Variants in AGAP1 observed in about 807,000 individuals in gnomAD.
The protein encoded by AGAP1 is arf-GAP with GTPase, ANK repeat and PH domain-containing protein 1.
AGAP1 carries 29 observed loss-of-function variants against 105.3 expected under a neutral mutation model. The ratio of observed to expected loss-of-function variants is 0.28; its 90% CI spans 0.21 to 0.38. AGAP1 has a LOEUF of 0.38. Among genes scored for constraint, AGAP1 ranks in the 10% least tolerant of loss-of-function variants. The pLI is 1.00. For synonymous variants in AGAP1, 509 were observed against 485.9 expected (o/e 1.05, Z -0.63); for missense variants, 998 against 1,165.1 (o/e 0.86, Z 2.09).
chr2:235,911,714 T>C (rs931675277), intron 11 of AGAP1, among the ~76,000 whole-genome samples: 8 of 152,244 alleles, frequency 5.3e-5, no homozygotes, highest in African/African-American at 1.9e-4. Context: ...AGTTTCATTC[T>C]CTTTAAGAGC....
Position 235,716,675 on chromosome 2 carries a change from A to G in AGAP1, c.223-882A>G, listed in dbSNP as rs997247851. Among the ~76,000 whole-genome samples the G allele has an allele frequency of 3.9e-5, 6 of 152,058 alleles. No individual in the cohort carries two copies. The highest frequency in any genetic ancestry group is 3.3e-4 in the Admixed American group (5 of 15,270). ...AAGGTTAAAATGCAGGAGATTTTTG[A>G]TGAGCAGCTTCCCAGAGAAGGCGGC... On this transcript the variant is annotated intron_variant, in intron 2 of 17. Coordinates refer to ENST00000304032, the MANE Select transcript of AGAP1 (RefSeq NM_001037131.3). This position sits in a 1 kb window ranked among gnomAD's most constrained non-coding sequence, Gnocchi z 4.0.
At chr2:235,818,859 C>T (rs1958614873) in intron 9 of AGAP1, among the ~76,000 whole-genome samples, 1 of 152,230 alleles carries the variant, frequency 6.6e-6, no homozygotes. Context: ...CAGGCGTGAG[C>T]CACCATGCCC....
chr2:235,684,662 A>G (rs145235888), intron 1 of AGAP1, among the ~76,000 whole-genome samples: 2 of 152,244 alleles, frequency 1.3e-5, no homozygotes, highest in Non-Finnish European at 2.9e-5. Context: ...TTTCTGAACT[A>G]TAGATGGGAA....
intron 11 of AGAP1, among the ~76,000 whole-genome samples, chr2:235,913,626 T>G (rs1306145698): frequency 1.3e-5 from 2 of 152,186 alleles, no homozygotes; most frequent in Non-Finnish European, 2.9e-5. Context: ...TATCTGGTAG[T>G]ATAACACAGT....
intron 6 of AGAP1, among the ~76,000 whole-genome samples, chr2:235,796,464 G>A (rs147257697): frequency 2.0e-5 from 3 of 152,230 alleles, no homozygotes; most frequent in East Asian, 3.9e-4. Flanking sequence ...ATACACTACC[G>A]GAAGATAAAT....
chr2:235,931,033 A>T lies in AGAP1; in HGVS notation c.1483+110A>T. 1.6e-6 allele frequency: 2 copies of T among 1,275,158 alleles called. No individual in the cohort carries two copies. The highest frequency in any genetic ancestry group is 2.1e-6 in the Non-Finnish European group (2 of 945,988). 79.0% of individuals were successfully genotyped at this position (1,275,158 alleles called of 1,614,324 possible). The stretch of plus-strand genomic sequence containing the variant: ...TCTCATGCTCCTCTGGGAGCGCAGC[A>T]CCCTGTGGGGCGGCTGCATCAGAGA... On this transcript the variant is annotated intron_variant, in intron 12 of 17. Transcript: ENST00000304032. This position sits in a 1 kb window ranked among gnomAD's most constrained non-coding sequence, Gnocchi z 5.6.
intron 1 of AGAP1, among the ~76,000 whole-genome samples, chr2:235,523,124 CATG>C (rs1284727297): frequency 6.7e-6 from 1 of 150,302 alleles, no homozygotes; most frequent in African/African-American, 2.5e-5. Flanking sequence ...TGTGGCCTCT[CATG>C]GTGGAGAGAG....
rs11391979 is a variant in AGAP1, at chr2:235,945,588, T to TAA, written c.1483+14671_1483+14672dup. On this transcript the variant is annotated intron_variant, in intron 12 of 17. Transcript: ENST00000304032. ...ATAATATCTTTGCATTTTCCCCTAA[T>TAA]AAAAAAATTAAATTTTAGAAACATT... is the stretch of plus-strand genomic sequence containing the variant. 4.6e-3 allele frequency among the ~76,000 whole-genome samples: 693 copies of TAA among 151,838 alleles called. 3 individuals carry two copies. The highest frequency in any genetic ancestry group is 0.014 in the Middle Eastern group (4 of 294).
At chr2:235,525,169 C>G (rs1459687783) in intron 1 of AGAP1, among the ~76,000 whole-genome samples, 1 of 152,156 alleles carries the variant, frequency 6.6e-6, no homozygotes, top group African/African-American at 2.4e-5. Context: ...GTCGGTGCCT[C>G]TTTTGAAACT....
In AGAP1 at chr2:235,564,114, C is replaced by T. The variant is rs531332335; in HGVS notation, c.163+69265C>T. On this transcript the variant is annotated intron_variant, in intron 1 of 17. Transcript: ENST00000304032. ...TTTACAATTAGCTTTTGTCAATGTA[C>T]GTTTTTTCTTTAGTCCACACAACCT... is the stretch of plus-strand genomic sequence containing the variant. Among the ~76,000 whole-genome samples the T allele has an allele frequency of 6.6e-5, 10 of 152,264 alleles. No individual in the cohort carries two copies. In the South Asian group the frequency reaches 2.1e-3, roughly 32 times the overall value.
rs1046103030 is a variant in AGAP1, at chr2:235,555,666, G to T, written c.163+60817G>T. ...CCTTTTGGCAGAATATAAGGAAGTT[G>T]GCCCAAACCACATTTTTGAACTTCT... is the stretch of plus-strand genomic sequence containing the variant. On this transcript the variant is annotated intron_variant, in intron 1 of 17. Transcript: ENST00000304032. This position sits in a 1 kb window ranked among gnomAD's most constrained non-coding sequence, Gnocchi z 5.1. Among the ~76,000 whole-genome samples the T allele has an allele frequency of 2.6e-5, 4 of 152,190 alleles. No individual in the cohort carries two copies. Among genetic ancestry groups the T allele is most frequent in the African/African-American group, 9.6e-5 (4 of 41,458 alleles).
intron 6 of AGAP1, chr2:235,774,275 A>G (rs1201621804): frequency 1.1e-5 from 5 of 451,174 alleles, no homozygotes; most frequent in Non-Finnish European, 2.3e-5. Context: ...TCCCCTATCC[A>G]CAGCCATCAG....
chr2:235,816,379 A>G (rs1215612673), intron 9 of AGAP1, among the ~76,000 whole-genome samples: 1 of 149,778 alleles, frequency 6.7e-6, no homozygotes, highest in African/African-American at 2.5e-5. Context: ...CGGAGGTTGC[A>G]GCGAGCCAAG....
rs1213757487 is a variant in AGAP1 at position 235,963,206 on chromosome 2, G to C, written c.1484-5256G>C. 6.6e-6 allele frequency among the ~76,000 whole-genome samples: 1 copy of C among 152,174 alleles called. No homozygotes were observed. The highest frequency in any genetic ancestry group is 1.5e-5 in the Non-Finnish European group (1 of 68,030). On this transcript the variant is annotated intron_variant, in intron 12 of 17. Coordinates refer to ENST00000304032, the MANE Select transcript of AGAP1 (RefSeq NM_001037131.3). The surrounding 1 kb of genome is among the most constrained non-coding windows in gnomAD (Gnocchi z 5.1). ...GAGAATTATAAATATTGCAAGATAT[G>C]GAGAAAGCTTAGAAATGAGAGGGCC... is the stretch of plus-strand genomic sequence containing the variant.
intron 9 of AGAP1, among the ~76,000 whole-genome samples, chr2:235,857,511 A>G (rs1038575475): frequency 1.3e-5 from 2 of 152,184 alleles, no homozygotes. Context: ...GTGTGTGTGC[A>G]TGTCCGTTGA....
rs1326610342 is a variant in AGAP1, at chr2:236,058,195, A to ATTTT, written c.2114+8914_2114+8915insTTTT. On this transcript the variant is annotated intron_variant, in intron 16 of 17. Transcript: ENST00000304032. This position sits in a 1 kb window ranked among gnomAD's most constrained non-coding sequence, Gnocchi z 4.6. ...GGTCTGCACTAAGTAGTAAAAATAAAAGTCCACAATCTTGCCTGTGAACTC... is the reference window on the plus strand; with the variant it reads ...GGTCTGCACTAAGTAGTAAAAATAAATTTTAGTCCACAATCTTGCCTGTGAACTC... Among the ~76,000 whole-genome samples the ATTTT allele has an allele frequency of 5.3e-5, 8 of 152,156 alleles. No individual in the cohort carries two copies. Among genetic ancestry groups the ATTTT allele is most frequent in the African/African-American group, 1.9e-4 (8 of 41,428 alleles).
intron 12 of AGAP1, among the ~76,000 whole-genome samples, chr2:235,948,549 A>G (rs1003963008): frequency 1.3e-5 from 2 of 152,254 alleles, no homozygotes; most frequent in African/African-American, 4.8e-5. Flanking sequence ...ACAAATTGAG[A>G]GGTGAACATT....
intron 3 of AGAP1, among the ~76,000 whole-genome samples, chr2:235,726,806 G>T (rs1036343952): frequency 6.6e-6 from 1 of 152,208 alleles, no homozygotes; most frequent in African/African-American, 2.4e-5. Flanking sequence ...AGGCAGGGAG[G>T]GGGTGGGCCA....
chr2:235,660,203 G>A lies in AGAP1; in HGVS notation c.164-48976G>A, dbSNP rs1263239068. On this transcript the variant is annotated intron_variant, in intron 1 of 17. Coordinates refer to ENST00000304032, the MANE Select transcript of AGAP1 (RefSeq NM_001037131.3). This position sits in a 1 kb window ranked among gnomAD's most constrained non-coding sequence, Gnocchi z 5.3. ...CGGCTGAGGATTTTTGTGGCTAGGGGAAGAAGTGAATCACCCTCTTCTCTG... is the reference window on the plus strand; with the variant it reads ...CGGCTGAGGATTTTTGTGGCTAGGGAAAGAAGTGAATCACCCTCTTCTCTG... Among the ~76,000 whole-genome samples, 6 of 152,166 alleles carry A rather than the reference G, an allele frequency of 3.9e-5. No homozygotes were observed. The highest frequency in any genetic ancestry group is 1.4e-4 in the African/African-American group (6 of 41,442).
Sources: gnomAD v4.1 joint callset for allele counts (sites outside exome capture counted in the v4.1 genomes callset) on GRCh38, gnomAD v4.1.1 for gene constraint, Gnocchi (gnomAD v3.1) non-coding constraint, MANE v1.5 for transcripts, NCBI Gene and HGNC (gene_info 2026-07-23, HGNC 2026-07-21) for gene names.